SHC4: variants seen among roughly 807,000 people sequenced by gnomAD.
SHC4 encodes the protein SHC adaptor protein 4.
SHC4 carries 41 observed loss-of-function variants against 69.4 expected under a neutral mutation model. The observed-to-expected ratio is 0.59, with a 90% CI of 0.46 to 0.77. The LOEUF is 0.77. Among genes scored for constraint, SHC4 ranks in the 30% least tolerant of loss-of-function variants. The pLI, the probability that SHC4 is intolerant of heterozygous loss-of-function variation, is 0.00. For synonymous variants in SHC4, 318 were observed against 299.3 expected, an observed-to-expected ratio of 1.06 and a Z score of -0.64; for missense variants, 777 against 783.8, an observed-to-expected ratio of 0.99 and a Z score of 0.10.
intron 9 of SHC4, 64 bp downstream of exon 9, chr15:48,851,124 C>T: frequency 6.6e-7 from 1 of 1,509,172 alleles, no homozygotes; most frequent in Non-Finnish European, 9.2e-7. Flanking sequence ...GCAAGGGCCA[C>T]ATATGTCCAT....
In SHC4 at chr15:48,963,790, T is replaced by C. The variant is rs1234445294; in HGVS notation, c.-775A>G. On this transcript the variant is annotated 5_prime_UTR_variant, in exon 1 of 12. Transcript: ENST00000332408. The stretch of plus-strand genomic sequence containing the variant: ...CTCCCTCCTGGATTCCTCTCGGAGC[T>C]TTTTTCAGAAGCCCATTTGCAGCCG... Among the ~76,000 whole-genome samples, 1 of 152,166 alleles carries C rather than the reference T, an allele frequency of 6.6e-6. No individual in the cohort carries two copies. The highest frequency in any genetic ancestry group is 1.5e-5 in the Non-Finnish European group (1 of 68,038).
intron 1 of SHC4, among the ~76,000 whole-genome samples, chr15:48,930,353 G>A (rs1900939491): frequency 1.3e-5 from 2 of 152,228 alleles, no homozygotes; most frequent in Admixed American, 6.5e-5. Flanking sequence ...CAGTTTTATT[G>A]AGTAGGGTGA....
chr15:48,917,435 C>T (rs12593599), intron 2 of SHC4, among the ~76,000 whole-genome samples: 66,208 of 152,042 alleles, frequency 0.44, 16,326 homozygotes, highest in Non-Finnish European at 0.55. Flanking sequence ...CATTTTCTCT[C>T]TTCCCTTGTT....
intron 5 of SHC4, among the ~76,000 whole-genome samples, chr15:48,869,396 G>C (rs1388316814): frequency 6.6e-6 from 1 of 152,158 alleles, no homozygotes; most frequent in East Asian, 1.9e-4. Context: ...GGACCTCAGG[G>C]ACTTTTAAGT....
intron 2 of SHC4, among the ~76,000 whole-genome samples, chr15:48,901,479 C>A (rs891537486): frequency 3.9e-5 from 6 of 152,124 alleles, no homozygotes; most frequent in African/African-American, 1.4e-4. Flanking sequence ...TTTTTCCATT[C>A]TTTTATTCTA....
intron 8 of SHC4, among the ~76,000 whole-genome samples, chr15:48,852,007 C>G (rs1899223535): frequency 6.6e-6 from 1 of 152,170 alleles, no homozygotes; most frequent in Non-Finnish European, 1.5e-5. Flanking sequence ...GTGAGAAAAA[C>G]AGAAGATTGT....
chr15:48,963,372 A>C lies in SHC4; in HGVS notation c.-357T>G, dbSNP rs533159604. The C allele has an allele frequency of 1.7e-4, 45 of 267,922 alleles. 1 individual carries two copies. The East Asian group carries it at 3.2e-3, about 19-fold the overall frequency. 16.6% of individuals were successfully genotyped at this position (267,922 alleles called of 1,614,324 possible). On this transcript the variant is annotated 5_prime_UTR_variant, in exon 1 of 12. The change abolishes an upstream ATG in the 5' untranslated region. Coordinates refer to ENST00000332408, the MANE Select transcript of SHC4 (RefSeq NM_203349.4). ...GAGCGCCGGTCGGGGGGCCCGCTGC[A>C]TCACTAGCCTTGCAGGAGCCTAGTA...
At chr15:48,947,054 G>T (rs1265284587) in intron 1 of SHC4, 3 of 152,114 alleles carry the variant, frequency 2.0e-5, no homozygotes, top group African/African-American at 7.2e-5. Flanking sequence ...TTCAGTTAGA[G>T]CTACTCTGAA....
chr15:48,934,838 G>C (rs1901037771), intron 1 of SHC4, among the ~76,000 whole-genome samples: 2 of 152,122 alleles, frequency 1.3e-5, no homozygotes, highest in South Asian at 4.1e-4. Context: ...AGTGAAAAAA[G>C]ACAATCATAA....
At chr15:48,859,786 T>G (rs1277519711) in intron 6 of SHC4, among the ~76,000 whole-genome samples, 1 of 152,216 alleles carries the variant, frequency 6.6e-6, no homozygotes, top group East Asian at 1.9e-4. Flanking sequence ...TTTGTGGAAA[T>G]AGTCTCCTCC....
At chr15:48,925,218 G>T (rs1014446007) in intron 1 of SHC4, among the ~76,000 whole-genome samples, 2 of 152,190 alleles carry the variant, frequency 1.3e-5, no homozygotes, top group Non-Finnish European at 2.9e-5. Flanking sequence ...AAGATCATGG[G>T]CTCTGGGGCC....
At chr15:48,954,308 T>C (rs1901408968) in intron 1 of SHC4, among the ~76,000 whole-genome samples, 1 of 152,176 alleles carries the variant, frequency 6.6e-6, no homozygotes, top group Non-Finnish European at 1.5e-5. Flanking sequence ...TGAGAACCAT[T>C]GCTCTGACTG....
chr15:48,884,413 T>C, intron 3 of SHC4, 46 bp from the exon 4 acceptor site: 1 of 1,519,480 alleles, frequency 6.6e-7, no homozygotes, highest in Non-Finnish European at 8.8e-7. Context: ...AGGAATTTTG[T>C]TACAGAATAA....
intron 7 of SHC4, among the ~76,000 whole-genome samples, 189 bp from the exon 8 acceptor site, chr15:48,856,313 G>T (rs896626390): frequency 1.3e-5 from 2 of 152,160 alleles, no homozygotes; most frequent in Admixed American, 6.5e-5. Context: ...TTAGCTTTCT[G>T]TAGACAAAAC....
chr15:48,864,700 G>A (rs1472372301), intron 6 of SHC4, among the ~76,000 whole-genome samples: 1 of 152,020 alleles, frequency 6.6e-6, no homozygotes, highest in Non-Finnish European at 1.5e-5. Flanking sequence ...GCCCGCCTCG[G>A]CCTCCCACAG....
intron 2 of SHC4, among the ~76,000 whole-genome samples, chr15:48,898,369 A>G (rs2141010240): frequency 6.6e-6 from 1 of 152,320 alleles, no homozygotes; most frequent in South Asian, 2.1e-4. Context: ...CGTGTACTCT[A>G]GGAGGGTGAA....
chr15:48,867,414 A>C (rs1899584196), intron 6 of SHC4, among the ~76,000 whole-genome samples: 1 of 152,122 alleles, frequency 6.6e-6, no homozygotes, highest in Non-Finnish European at 1.5e-5. Flanking sequence ...TTGAACAGCA[A>C]GTACACAGAC....
At chr15:48,883,551 C>T (rs557159854) in intron 4 of SHC4, among the ~76,000 whole-genome samples, 27 of 152,308 alleles carry the variant, frequency 1.8e-4, no homozygotes, top group African/African-American at 6.5e-4. Flanking sequence ...AACACACATA[C>T]ATAACCTGAT....
intron 6 of SHC4, among the ~76,000 whole-genome samples, chr15:48,867,083 C>G (rs10162882): frequency 0.52 from 78,329 of 152,054 alleles, 22,387 homozygotes; most frequent in Middle Eastern, 0.69. Flanking sequence ...GGTTCCTGCC[C>G]TCATGAAGAT....
Sources: gnomAD v4.1 joint callset for allele counts (sites outside exome capture counted in the v4.1 genomes callset) on GRCh38, gnomAD v4.1.1 for gene constraint, MANE v1.5 for transcripts, NCBI Gene and HGNC (gene_info 2026-07-23, HGNC 2026-07-21) for gene names.